Variants in CDH19 observed in about 807,000 individuals in gnomAD.
CDH19 encodes cadherin-19.
A neutral mutation model predicts 64.2 loss-of-function variants in CDH19; 67 were observed. The observed-to-expected ratio is 1.04, with a 90% CI of 0.86 to 1.28. The LOEUF (loss-of-function observed/expected upper bound fraction) is 1.28. Among genes scored for constraint, CDH19 ranks in the 50% most tolerant of loss-of-function variants. The probability of loss-of-function intolerance (pLI) is 0.00; values close to 1 mark genes in which losing one functional copy is unlikely to be tolerated. For missense variants in CDH19, 1,030 were observed against 929.0 expected (o/e 1.11, Z -1.41); for synonymous variants, 346 against 319.3 (o/e 1.08, Z -0.89).
chr18:66,545,632 T>G (rs751371075), intron 5 of CDH19, among the ~76,000 whole-genome samples: 3 of 152,134 alleles, frequency 2.0e-5, no homozygotes, highest in Non-Finnish European at 4.4e-5. Context: ...AAATTAAATT[T>G]GACAGAAATA....
chr18:66,570,258 T>C (rs891026049), intron 2 of CDH19, among the ~76,000 whole-genome samples: 2 of 151,596 alleles, frequency 1.3e-5, no homozygotes, highest in East Asian at 1.9e-4. Flanking sequence ...ATATGTGCAG[T>C]GTAATTTTCA....
rs532772140 is a variant in CDH19, at chr18:66,527,563, A to G, written c.1458+2282T>C. Among the ~76,000 whole-genome samples, 12 of 152,220 alleles carry G rather than the reference A, an allele frequency of 7.9e-5. No individual in the cohort carries two copies. In the South Asian group the frequency reaches 2.3e-3, roughly 29 times the overall value. On this transcript the variant is annotated intron_variant, in intron 9 of 11. Transcript: ENST00000262150. ...GGAGTTTGAGAGCAGCCTGCCCAAC[A>G]TGGCAAAAACCCATCTCTACTAAAA...
At chr18:66,534,035 A>G (rs1986559898) in intron 8 of CDH19, among the ~76,000 whole-genome samples, 2 of 152,064 alleles carry the variant, frequency 1.3e-5, no homozygotes, top group South Asian at 4.1e-4. Flanking sequence ...GAGAAAGAAA[A>G]AAAATGAAAA....
At chr18:66,576,487 C>T (rs539493571) in intron 1 of CDH19, among the ~76,000 whole-genome samples, 2 of 151,406 alleles carry the variant, frequency 1.3e-5, no homozygotes, top group East Asian at 3.9e-4. Context: ...ATAAACATAT[C>T]ATTTCATAAT....
chr18:66,573,606 G>A (rs1176814914), intron 1 of CDH19, among the ~76,000 whole-genome samples: 1 of 145,052 alleles, frequency 6.9e-6, no homozygotes, highest in Non-Finnish European at 1.5e-5. Context: ...ATTTGGAACT[G>A]GTACAATATT....
chr18:66,598,152 T>C (rs996203696), intron 1 of CDH19, among the ~76,000 whole-genome samples: 2 of 152,074 alleles, frequency 1.3e-5, no homozygotes, highest in African/African-American at 4.8e-5. Flanking sequence ...ATATAACAGA[T>C]GCTGGCAAAT....
intron 1 of CDH19, among the ~76,000 whole-genome samples, chr18:66,594,522 A>G (rs536661445): frequency 2.6e-5 from 4 of 152,038 alleles, no homozygotes; most frequent in Non-Finnish European, 5.9e-5. Flanking sequence ...GCCATAAAGC[A>G]ATTCTCAACA....
intron 9 of CDH19, among the ~76,000 whole-genome samples, chr18:66,512,546 CA>C (rs1350597951): frequency 6.6e-6 from 1 of 151,252 alleles, no homozygotes; most frequent in Non-Finnish European, 1.5e-5. Flanking sequence ...TATTATACTT[CA>C]AAAAAATAGA....
rs777993875 is a variant in CDH19 at position 66,504,868 on chromosome 18, G to C, written c.2263C>G (p.Pro755Ala). The change falls in exon 12 of 12, where the codon CCT (proline) becomes GCT (alanine). Residue 755 changes from proline to alanine, a missense_variant. Pro to Ala is a conservative substitution (Grantham distance 27). Coordinates refer to ENST00000262150, the MANE Select transcript of CDH19 (RefSeq NM_021153.4). ...ESYDYLNELG[P>A]RFKRLACMFG... ...ATGCATGCTAATCTTTTAAAGCGAG[G>C]TCCCAACTCATTAAGGTAATCATAG... The C allele has an allele frequency of 1.9e-6, 3 of 1,612,378 alleles. No homozygotes were observed. The South Asian group carries it at 3.3e-5, about 18-fold the overall frequency.
intron 1 of CDH19, among the ~76,000 whole-genome samples, chr18:66,575,863 T>A (rs1988251049): frequency 6.6e-6 from 1 of 151,744 alleles, no homozygotes; most frequent in African/African-American, 2.4e-5. Context: ...GCAAAAATAA[T>A]AACAAAGTAT....
At chr18:66,587,145 G>T (rs1988601615) in intron 1 of CDH19, among the ~76,000 whole-genome samples, 1 of 152,064 alleles carries the variant, frequency 6.6e-6, no homozygotes, top group Admixed American at 6.6e-5. Flanking sequence ...CTGCTCTTCA[G>T]CAAAGGACAA....
At chr18:66,579,153 A>G (rs1988351908) in intron 1 of CDH19, among the ~76,000 whole-genome samples, 2 of 151,974 alleles carry the variant, frequency 1.3e-5, no homozygotes, top group African/African-American at 2.4e-5. Flanking sequence ...ATACTTCATT[A>G]ATGTTGTTAA....
chr18:66,578,525 G>A (rs1294182971), intron 1 of CDH19, among the ~76,000 whole-genome samples: 1 of 151,850 alleles, frequency 6.6e-6, no homozygotes, highest in Admixed American at 6.6e-5. Flanking sequence ...CACTGCTAGT[G>A]TGAATGTAAA....
chr18:66,538,097 A>G (rs1986744242), intron 7 of CDH19, among the ~76,000 whole-genome samples: 1 of 152,078 alleles, frequency 6.6e-6, no homozygotes. Context: ...TAACACTGCA[A>G]TCCCTAAATA....
intron 9 of CDH19, among the ~76,000 whole-genome samples, chr18:66,521,502 C>T (rs1985980146): frequency 7.0e-6 from 1 of 143,772 alleles, no homozygotes; most frequent in South Asian, 2.3e-4. Context: ...TATCTCTGGC[C>T]TTTATTTATT....
intron 1 of CDH19, among the ~76,000 whole-genome samples, chr18:66,602,649 G>T (rs1158512391): frequency 2.0e-5 from 3 of 151,726 alleles, no homozygotes; most frequent in African/African-American, 7.3e-5. Flanking sequence ...GTAAAAATCA[G>T]ATATTTATAT....
At chr18:66,594,673 C>T (rs1988834510) in intron 1 of CDH19, among the ~76,000 whole-genome samples, 8 of 151,406 alleles carry the variant, frequency 5.3e-5, no homozygotes. Flanking sequence ...TACTATGCAG[C>T]CATAAAAAAT....
At position 66,581,817 on chromosome 18, in the gene CDH19, C is replaced by T. The variant is rs917606962; in HGVS notation, c.-112-9501G>A. 6.6e-5 allele frequency among the ~76,000 whole-genome samples: 10 copies of T among 152,122 alleles called. No individual in the cohort carries two copies. In the East Asian group the frequency reaches 1.2e-3, roughly 18 times the overall value. On this transcript the variant is annotated intron_variant, in intron 1 of 11. Transcript: ENST00000262150. ...CCTATCTGGGACTTCACCTTGTATC[C>T]GTGTGAGTTAATTCTCCTAATAAAC...
At chr18:66,541,874 T>C (rs1343386113) in intron 7 of CDH19, among the ~76,000 whole-genome samples, 1 of 152,140 alleles carries the variant, frequency 6.6e-6, no homozygotes, top group Non-Finnish European at 1.5e-5. Context: ...AATATTTGGT[T>C]GTACCTTAGG....
Sources: allele counts gnomAD v4.1 joint callset (sites outside exome capture counted in the v4.1 genomes callset), GRCh38; gene constraint gnomAD v4.1.1; transcripts MANE v1.5; gene names NCBI Gene and HGNC (gene_info 2026-07-23, HGNC 2026-07-21).